MFHAS1: variants seen among roughly 807,000 people sequenced by gnomAD.
MFHAS1 encodes the protein multifunctional ROCO family signaling regulator 1, also known as malignant fibrous histiocytoma-amplified sequence 1.
Under a neutral mutation model 70.4 loss-of-function variants are expected in MFHAS1, and 50 were observed. The ratio of observed to expected loss-of-function variants is 0.71; its 90% CI spans 0.57 to 0.90. MFHAS1 has a LOEUF of 0.90. MFHAS1 is among the 40% of genes least tolerant of loss of function. The pLI, the probability that MFHAS1 is intolerant of heterozygous loss-of-function variation, is 0.00. For synonymous variants in MFHAS1, 952 were observed against 620.0 expected, an observed-to-expected ratio of 1.54 and a Z score of -7.96; for missense variants, 1,795 against 1,347.6, an observed-to-expected ratio of 1.33 and a Z score of -5.20.
Position 8,890,920 on chromosome 8 carries a change from T to G in MFHAS1, c.2139A>C (p.Leu713=). 1 of 1,613,884 alleles carries G rather than the reference T, an allele frequency of 6.2e-7. No individual in the cohort carries two copies. The highest frequency in any genetic ancestry group is 8.5e-7 in the Non-Finnish European group (1 of 1,179,982). ...ALSYLHESGK[L]LYFEDSPALK... ...GAGCCGGACTGTCCTCAAAGTAGAG[T>G]AGCTTGCCGCTCTCATGCAGGTAGG... Residue 713 remains leucine (L), a synonymous_variant, in exon 1 of 3, where the codon CTA becomes CTC. Coordinates refer to ENST00000276282, the MANE Select transcript of MFHAS1 (RefSeq NM_004225.3).
At position 8,884,629 on chromosome 8, in the gene MFHAS1, T is replaced by C. The variant is rs368117628; in HGVS notation, c.2998+5432A>G. Among the ~76,000 whole-genome samples the C allele has an allele frequency of 9.2e-5, 14 of 152,298 alleles. No individual in the cohort carries two copies. In the South Asian group the frequency reaches 2.9e-3, roughly 32 times the overall value. Reference sequence around the variant, plus strand: ...CAAAGCCAGATAATCATTACAATACTACCTGGGATTTTCACTGAGTGTGTG... The same window carrying C: ...CAAAGCCAGATAATCATTACAATACCACCTGGGATTTTCACTGAGTGTGTG... On this transcript the variant is annotated intron_variant, in intron 1 of 2. Transcript: ENST00000276282.
intron 1 of MFHAS1, among the ~76,000 whole-genome samples, chr8:8,818,215 G>C (rs915249642): frequency 3.8e-5 from 5 of 131,164 alleles, no homozygotes; most frequent in African/African-American, 1.3e-4. Context: ...AGAGTTTCTG[G>C]AACACAGCCC....
chr8:8,794,725 T>G (rs944002794), intron 2 of MFHAS1, among the ~76,000 whole-genome samples: 1 of 151,846 alleles, frequency 6.6e-6, no homozygotes, highest in African/African-American at 2.4e-5. Flanking sequence ...ATCCATTTCA[T>G]GAGACTTTTT....
chr8:8,862,769 G>A (rs1354668998), intron 1 of MFHAS1, among the ~76,000 whole-genome samples: 1 of 152,324 alleles, frequency 6.6e-6, no homozygotes, highest in East Asian at 1.9e-4. Context: ...ATTGTAACCA[G>A]TCCCACTGTG....
At chr8:8,869,234 T>C (rs1314987515) in intron 1 of MFHAS1, among the ~76,000 whole-genome samples, 1 of 152,134 alleles carries the variant, frequency 6.6e-6, no homozygotes. Context: ...CAGAACAGGA[T>C]AGCAAAACCC....
intron 1 of MFHAS1, among the ~76,000 whole-genome samples, chr8:8,849,551 A>C (rs537026636): frequency 6.6e-6 from 1 of 152,310 alleles, no homozygotes; most frequent in African/African-American, 2.4e-5. Flanking sequence ...GATATTTGCC[A>C]GTTGCAAATT....
intron 1 of MFHAS1, among the ~76,000 whole-genome samples, chr8:8,867,082 A>G (rs1343471848): frequency 6.6e-6 from 1 of 152,220 alleles, no homozygotes; most frequent in Admixed American, 6.5e-5. Flanking sequence ...CACATAATAT[A>G]TTAACAAAAT....
intron 1 of MFHAS1, among the ~76,000 whole-genome samples, chr8:8,880,230 T>C (rs576587977): frequency 2.0e-5 from 3 of 152,132 alleles, no homozygotes; most frequent in Non-Finnish European, 2.9e-5. Context: ...GAAAGAAAGT[T>C]GCTACAAAGC....
intron 1 of MFHAS1, among the ~76,000 whole-genome samples, chr8:8,832,627 C>CTTTTT (rs137896964): frequency 3.3e-5 from 4 of 121,910 alleles, no homozygotes; most frequent in Non-Finnish European, 4.8e-5. Context: ...GAATTTTTTT[C>CTTTTT]TTTTTTTTTT....
chr8:8,817,587 G>A lies in MFHAS1; in HGVS notation c.2999-20096C>T, dbSNP rs565130909. On this transcript the variant is annotated intron_variant, in intron 1 of 2. Coordinates refer to ENST00000276282, the MANE Select transcript of MFHAS1 (RefSeq NM_004225.3). Reference sequence around the variant, plus strand: ...GTGCCCCTGGACTCCATCCCAGCCCGCAGATGGGGGGGCTCTCGCCCCTCC... The same window carrying A: ...GTGCCCCTGGACTCCATCCCAGCCCACAGATGGGGGGGCTCTCGCCCCTCC... 9.2e-5 allele frequency among the ~76,000 whole-genome samples: 14 copies of A among 152,314 alleles called. 1 individual carries two copies. Among genetic ancestry groups the A allele is most frequent in the South Asian group, 2.1e-4 (1 of 4,824 alleles).
intron 1 of MFHAS1, among the ~76,000 whole-genome samples, chr8:8,802,912 G>C (rs1276258530): frequency 6.6e-6 from 1 of 152,254 alleles, no homozygotes; most frequent in East Asian, 1.9e-4. Flanking sequence ...TAAAGGGGCT[G>C]AGTTGCTGCT....
intron 1 of MFHAS1, among the ~76,000 whole-genome samples, chr8:8,885,407 A>G (rs543892836): frequency 6.6e-6 from 1 of 152,318 alleles, no homozygotes; most frequent in East Asian, 1.9e-4. Flanking sequence ...TCAAAAACAC[A>G]GTATTCACTC....
chr8:8,803,154 C>G (rs568663498), intron 1 of MFHAS1, among the ~76,000 whole-genome samples: 7 of 152,158 alleles, frequency 4.6e-5, no homozygotes, highest in Non-Finnish European at 8.8e-5. Context: ...AGAGTTAGCC[C>G]TCCTTATCAG....
chr8:8,843,975 A>C (rs1191636833), intron 1 of MFHAS1, among the ~76,000 whole-genome samples: 2 of 152,248 alleles, frequency 1.3e-5, no homozygotes, highest in Non-Finnish European at 2.9e-5. Context: ...GGATCAATTT[A>C]AGTAATTAAC....
Position 8,869,926 on chromosome 8 carries a change from G to C in MFHAS1, c.2998+20135C>G, listed in dbSNP as rs1247138605. Among the ~76,000 whole-genome samples, 3 of 152,042 alleles carry C rather than the reference G, an allele frequency of 2.0e-5. No homozygotes were observed. The South Asian group carries it at 6.2e-4, about 32-fold the overall frequency. ...GGGCCTCTATTGTTTATTATTGTCT[G>C]AATTACCTCTAAGTGGTCCCTCTGA... is the stretch of plus-strand genomic sequence containing the variant. On this transcript the variant is annotated intron_variant, in intron 1 of 2. Coordinates refer to ENST00000276282, the MANE Select transcript of MFHAS1 (RefSeq NM_004225.3).
intron 1 of MFHAS1, among the ~76,000 whole-genome samples, chr8:8,845,455 G>T (rs1563201083): frequency 6.6e-6 from 1 of 152,132 alleles, no homozygotes; most frequent in Non-Finnish European, 1.5e-5. Context: ...GCAGACCCAG[G>T]AGCAGAAGAT....
chr8:8,792,404 C>G (rs1248591511), intron 2 of MFHAS1, among the ~76,000 whole-genome samples: 1 of 152,206 alleles, frequency 6.6e-6, no homozygotes, highest in Admixed American at 6.5e-5. Flanking sequence ...AGTTCAAGAC[C>G]AGCCTGGTCA....
chr8:8,860,764 C>T (rs947776818), intron 1 of MFHAS1, among the ~76,000 whole-genome samples: 23 of 152,216 alleles, frequency 1.5e-4, no homozygotes, highest in African/African-American at 5.3e-4. Flanking sequence ...AACTACAAGA[C>T]CTTTTTTTCT....
At position 8,800,870 on chromosome 8, in the gene MFHAS1, T is replaced by TC. The variant is rs1305900839; in HGVS notation, c.2999-3380_2999-3379insG. On this transcript the variant is annotated intron_variant, in intron 1 of 2. Coordinates refer to ENST00000276282, the MANE Select transcript of MFHAS1 (RefSeq NM_004225.3). ...CTGGCACCAGCCTGGTGCAGCAGGC[T>TC]TCTTGGCTAGTATGTCACAGCTTTC... Among the ~76,000 whole-genome samples, 7 of 152,168 alleles carry TC rather than the reference T, an allele frequency of 4.6e-5. No homozygotes were observed. The East Asian group carries it at 1.4e-3, about 29-fold the overall frequency.
Sources: gnomAD v4.1 joint callset for allele counts (sites outside exome capture counted in the v4.1 genomes callset) on GRCh38, gnomAD v4.1.1 for gene constraint, MANE v1.5 for transcripts, NCBI Gene and HGNC (gene_info 2026-07-23, HGNC 2026-07-21) for gene names.